The following CHM variants were observed in gnomAD, a reference collection of about 807,000 sequenced individuals.
CHM encodes CHM Rab escort protein.
A neutral mutation model predicts 49.0 loss-of-function variants in CHM; 10 were observed. The ratio of observed to expected loss-of-function variants is 0.20; its 90% CI spans 0.13 to 0.35. The LOEUF (loss-of-function observed/expected upper bound fraction) is 0.35. Among genes scored for constraint, CHM ranks in the 10% least tolerant of loss-of-function variants. The probability of loss-of-function intolerance (pLI) is 1.00; values close to 1 mark genes in which losing one functional copy is unlikely to be tolerated. For synonymous variants in CHM, 184 were observed against 167.5 expected (o/e 1.10, Z -0.76); for missense variants, 455 against 478.4 (o/e 0.95, Z 0.46).
At chrX:85,982,319 G>C (rs1018208600) in intron 2 of CHM, among the ~76,000 whole-genome samples, 56 of 107,412 alleles carry the variant, frequency 5.2e-4, no homozygotes, top group African/African-American at 1.7e-3. Context: ...ACACACAATT[G>C]GCTACTCTAG....
In CHM at chrX:85,981,206, C is replaced by CTATATATATATATATATATATATATATA. The variant is rs1284378299; in HGVS notation, c.189+530_189+531insTATATATATATATATATATATATATATA. ...TACTCTTCAACCAACATTTCTATTT[C>CTATATATATATATATATATATATATATA]TATATATATATATAGACACACATAT... On this transcript the variant is annotated intron_variant, in intron 3 of 14. Transcript: ENST00000357749. 3.5e-3 allele frequency among the ~76,000 whole-genome samples: 190 copies of CTATATATATATATATATATATATATATA among 54,245 alleles called. 4 individuals carry two copies. The highest frequency in any genetic ancestry group is 0.011 in the African/African-American group (176 of 16,513). 47.1% of individuals were successfully genotyped at this position (54,245 alleles called of 115,157 possible). A position where few individuals can be genotyped will look rare whatever the true frequency, so the allele number is the denominator to read the frequency against.
intron 8 of CHM, among the ~76,000 whole-genome samples, chrX:85,947,630 G>T (rs1451264265): frequency 1.8e-5 from 2 of 111,389 alleles, no homozygotes; most frequent in Non-Finnish European, 1.9e-5. Flanking sequence ...TTATAGAAAT[G>T]CAAGAATGGC....
Position 85,983,194 on chromosome X carries a change from A to G in CHM, c.117-1385T>C, listed in dbSNP as rs191335677. 5.4e-5 allele frequency among the ~76,000 whole-genome samples: 6 copies of G among 110,921 alleles called. No individual in the cohort carries two copies. In the East Asian group the frequency reaches 1.7e-3, roughly 32 times the overall value. ...TGTGAAAGTAGCTTTATTAATATAGATCATATCGTACTTACATCTGATGGT... is the reference window on the plus strand; with the variant it reads ...TGTGAAAGTAGCTTTATTAATATAGGTCATATCGTACTTACATCTGATGGT... On this transcript the variant is annotated intron_variant, in intron 2 of 14. Coordinates refer to ENST00000357749, the MANE Select transcript of CHM (RefSeq NM_000390.4).
chrX:85,931,598 C>G (rs1425837244), intron 8 of CHM, among the ~76,000 whole-genome samples: 1 of 111,469 alleles, frequency 9.0e-6, no homozygotes, highest in Non-Finnish European at 1.9e-5. Flanking sequence ...TACGGATCTA[C>G]TATGAATTTC....
Position 85,862,953 on chromosome X carries a change from G to T in CHM, c.*1677C>A, listed in dbSNP as rs762265139. Reference sequence around the variant, plus strand: ...ATGTTGTGAGAAAAAAAAACAAATAGTTCATTTGTTTGTTTATTTATAGGC... The same window carrying T: ...ATGTTGTGAGAAAAAAAAACAAATATTTCATTTGTTTGTTTATTTATAGGC... On this transcript the variant is annotated 3_prime_UTR_variant, in exon 15 of 15. Transcript: ENST00000357749. 3 of 111,540 alleles carry T rather than the reference G, an allele frequency of 2.7e-5. No homozygotes were observed. Among genetic ancestry groups the T allele is most frequent in the Non-Finnish European group, 5.7e-5 (3 of 53,017 alleles). 9.2% of individuals were successfully genotyped at this position (111,540 alleles called of 1,213,427 possible).
chrX:85,917,041 C>T (rs1449591340), intron 8 of CHM, among the ~76,000 whole-genome samples: 1 of 112,260 alleles, frequency 8.9e-6, no homozygotes, highest in Admixed American at 9.4e-5. Context: ...ACAGAATCAA[C>T]CTAAATGTCC....
chrX:85,913,000 G>A (rs1240078205), intron 8 of CHM, among the ~76,000 whole-genome samples: 5 of 73,132 alleles, frequency 6.8e-5, no homozygotes, highest in Non-Finnish European at 1.3e-4. Context: ...GTGACAGAGT[G>A]AGACTCCATC....
intron 1 of CHM, among the ~76,000 whole-genome samples, chrX:86,037,275 C>A (rs955529723): frequency 2.8e-4 from 31 of 109,002 alleles, no homozygotes; most frequent in African/African-American, 1.0e-3. Flanking sequence ...TGCCACTACG[C>A]CTGGATAATT....
intron 9 of CHM, among the ~76,000 whole-genome samples, chrX:85,909,821 A>T (rs766073768): frequency 8.9e-6 from 1 of 112,165 alleles, no homozygotes; most frequent in East Asian, 2.8e-4. Context: ...AAAAGAATCT[A>T]AGCAAATAAA....
intron 2 of CHM, among the ~76,000 whole-genome samples, chrX:85,988,752 T>C (rs1459095978): frequency 9.0e-6 from 1 of 111,458 alleles, no homozygotes; most frequent in African/African-American, 3.3e-5. Flanking sequence ...CATTCACAAT[T>C]ACCACAAAAA....
At chrX:85,915,341 A>G (rs780249359) in intron 8 of CHM, among the ~76,000 whole-genome samples, 2 of 112,296 alleles carry the variant, frequency 1.8e-5, no homozygotes, top group East Asian at 5.6e-4. Flanking sequence ...CCCACAGTCA[A>G]TATCATGCTG....
In CHM at chrX:85,963,802, G is replaced by T. The variant is rs1263345472; in HGVS notation, c.565C>A (p.Pro189Thr). The T allele has an allele frequency of 8.3e-6, 10 of 1,211,493 alleles. No homozygotes were observed. In the East Asian group the frequency reaches 3.0e-4, roughly 36 times the overall value. ...CTCATGTCTTCTGCTGAAGTTGATG[G>T]CACACAAGTTTTATCATCACAATGG... ...ENHCDDKTCVPSTSAEDMSEN... is the reference protein window; with the variant it reads ...ENHCDDKTCVTSTSAEDMSEN... The change falls in exon 5 of 15, where the codon CCA (proline) becomes ACA (threonine). Residue 189 changes from proline (P) to threonine (T), a missense_variant. Pro to Thr is a conservative substitution (Grantham distance 38). Coordinates refer to ENST00000357749, the MANE Select transcript of CHM (RefSeq NM_000390.4).
intron 8 of CHM, among the ~76,000 whole-genome samples, chrX:85,955,560 G>A (rs1456514399): frequency 8.9e-6 from 1 of 112,107 alleles, no homozygotes; most frequent in Non-Finnish European, 1.9e-5. Context: ...GAGTTAGGTT[G>A]ACAAAAAAAT....
chrX:85,992,738 G>A (rs5923420), intron 2 of CHM, among the ~76,000 whole-genome samples: 29,443 of 111,193 alleles, frequency 0.26, 3,432 homozygotes, highest in Admixed American at 0.39. Flanking sequence ...CAAGCAAAAA[G>A]TGTATATATA....
chrX:86,017,604 G>A (rs923564585), intron 2 of CHM, among the ~76,000 whole-genome samples: 1 of 111,412 alleles, frequency 9.0e-6, no homozygotes, highest in Non-Finnish European at 1.9e-5. Context: ...CCCCTGCCAT[G>A]CGGAACTGTA....
chrX:86,045,565 A>G (rs1429418002), intron 1 of CHM, among the ~76,000 whole-genome samples: 1 of 112,046 alleles, frequency 8.9e-6, no homozygotes. Context: ...TGGGATAAGT[A>G]TAAAATGAGT....
intron 2 of CHM, among the ~76,000 whole-genome samples, chrX:85,988,171 G>C (rs954696016): frequency 5.4e-5 from 6 of 112,107 alleles, no homozygotes; most frequent in Non-Finnish European, 9.4e-5. Context: ...GATCAAGAAG[G>C]CTTCATCCCC....
Position 86,002,362 on chromosome X carries a change from C to CT in CHM, c.117-20554dup, listed in dbSNP as rs56720535. Reference sequence around the variant, plus strand: ...TGTTTTCAAGCCATTGTGTCTGGGTCTTTTTTTTTTACAGCTTCTTATTCT... The same window carrying CT: ...TGTTTTCAAGCCATTGTGTCTGGGTCTTTTTTTTTTTACAGCTTCTTATTCT... On this transcript the variant is annotated intron_variant, in intron 2 of 14. Coordinates refer to ENST00000357749, the MANE Select transcript of CHM (RefSeq NM_000390.4). Among the ~76,000 whole-genome samples the CT allele has an allele frequency of 4.2e-4, 46 of 108,295 alleles. No individual in the cohort carries two copies. In the East Asian group the frequency reaches 5.3e-3, roughly 12 times the overall value. 94.0% of individuals were successfully genotyped at this position (108,295 alleles called of 115,157 possible).
rs186975229 is a variant in CHM, at chrX:85,977,470, A to T, written c.314+1297T>A. ...TTTTCTTTGCACTCAAAATGTATCA[A>T]CTCAGCCATTAGAAACTATTAACCT... On this transcript the variant is annotated intron_variant, in intron 4 of 14. Transcript: ENST00000357749. 1.3e-4 allele frequency among the ~76,000 whole-genome samples: 15 copies of T among 112,263 alleles called. No homozygotes were observed. The East Asian group carries it at 4.2e-3, about 31-fold the overall frequency.
Sources: gnomAD v4.1 joint callset for allele counts (sites outside exome capture counted in the v4.1 genomes callset) on GRCh38, gnomAD v4.1.1 for gene constraint, MANE v1.5 for transcripts, NCBI Gene and HGNC (gene_info 2026-07-23, HGNC 2026-07-21) for gene names.